STYXL1: variants seen among roughly 807,000 people sequenced by gnomAD.
STYXL1 encodes the protein serine/threonine/tyrosine interacting like 1.
Under a neutral mutation model 36.4 loss-of-function variants are expected in STYXL1, and 32 were observed. The ratio of observed to expected loss-of-function variants is 0.88; its 90% CI spans 0.66 to 1.18. The LOEUF (loss-of-function observed/expected upper bound fraction) is 1.18, where lower values mean the gene tolerates loss of function less well. STYXL1 is among the 50% of genes most tolerant of loss of function. STYXL1 has a pLI of 0.00. For missense variants in STYXL1, 354 were observed against 394.1 expected, an observed-to-expected ratio of 0.90 and a Z score of 0.86; for synonymous variants, 133 against 144.1, an observed-to-expected ratio of 0.92 and a Z score of 0.55.
chr7:76,010,357 T>C (rs1554571864), intron 5 of STYXL1, among the ~76,000 whole-genome samples: 2 of 152,208 alleles, frequency 1.3e-5, no homozygotes, highest in African/African-American at 4.8e-5. Context: ...CAGGCATGCA[T>C]ACCCTGGATC....
Position 75,996,499 on chromosome 7 carries a change from G to A in STYXL1, c.911C>T (p.Ser304Phe), listed in dbSNP as rs782417475. 6.2e-7 allele frequency: 1 copy of A among 1,614,088 alleles called. No individual in the cohort carries two copies. Among genetic ancestry groups the A allele is most frequent in the African/African-American group, 1.3e-5 (1 of 74,926 alleles). ...GAGCGGATCCATGATGTTTGTGATG[G>A]AATCTCCAAGGATAGTCTTCTCCCA... ...LEWEKTILGDSITNIMDPLY is the reference protein window; with the variant it reads ...LEWEKTILGDFITNIMDPLY Residue 304 changes from serine (S) to phenylalanine (F), a missense_variant, in exon 9 of 9, where the codon TCC (serine) becomes TTC (phenylalanine). Coordinates refer to ENST00000359697, the MANE Select transcript of STYXL1 (RefSeq NM_001317785.2).
Position 76,021,921 on chromosome 7 carries a change from G to A in STYXL1, c.237C>T (p.Asn79=), listed in dbSNP as rs1215927614. ...ECVKYCVVYD[N]NSSTLEILLK... ...AGAGTATCTCCAGGGTGCTGCTGTT[G>A]TTATCATACACCACGCAGTACTTCA... The change falls in exon 4 of 9, where the codon AAC becomes AAT. Residue 79 remains asparagine, a synonymous_variant. Transcript: ENST00000359697. 7 of 1,613,384 alleles carry A rather than the reference G, an allele frequency of 4.3e-6. No individual in the cohort carries two copies. The South Asian group carries it at 5.5e-5, about 13-fold the overall frequency.
chr7:75,999,549 G>A (rs79470484), intron 8 of STYXL1, among the ~76,000 whole-genome samples: 24,033 of 81,736 alleles, frequency 0.29, 2,182 homozygotes, highest in Middle Eastern at 0.41. Context: ...GTGTGTGTGT[G>A]TGTATATTTT....
intron 8 of STYXL1, chr7:75,998,620 T>C (rs1298313391): frequency 6.6e-6 from 1 of 152,046 alleles, no homozygotes; most frequent in African/African-American, 2.4e-5. Flanking sequence ...TTTGATAGTA[T>C]GCCAAGACCA....
rs1477988850 is a variant in STYXL1 at position 76,021,777 on chromosome 7, A to C, written c.307+74T>G. ...CCTGTTCCCGTGCCATGGGCATATG[A>C]ACCTGTTGGTCCTATAACAAATTTG... is the stretch of plus-strand genomic sequence containing the variant. On this transcript the variant is annotated intron_variant, in intron 4 of 8. Transcript: ENST00000359697. The C allele has an allele frequency of 1.4e-5, 16 of 1,116,778 alleles. No homozygotes were observed. The African/African-American group carries it at 2.4e-4, about 17-fold the overall frequency. 69.2% of individuals were successfully genotyped at this position (1,116,778 alleles called of 1,614,324 possible).
At chr7:76,015,279 C>G (rs1479805833) in intron 4 of STYXL1, among the ~76,000 whole-genome samples, 1 of 152,116 alleles carries the variant, frequency 6.6e-6, no homozygotes, top group African/African-American at 2.4e-5. Flanking sequence ...AGGACTCCCA[C>G]TTATTGGTCA....
intron 3 of STYXL1, among the ~76,000 whole-genome samples, chr7:76,023,168 T>A (rs1471819224): frequency 4.6e-5 from 7 of 151,886 alleles, no homozygotes; most frequent in Admixed American, 2.6e-4. Flanking sequence ...TGCTTCCCAC[T>A]CCACCCCTCC....
chr7:76,033,940 A>AC (rs1331788355), intron 1 of STYXL1, among the ~76,000 whole-genome samples: 1 of 152,042 alleles, frequency 6.6e-6, no homozygotes, highest in African/African-American at 2.4e-5. Flanking sequence ...CTCAGTCCCC[A>AC]CCTCTGTAAA....
At position 76,038,879 on chromosome 7, in the gene STYXL1, T is replaced by C. The variant is rs1219939266; in HGVS notation, c.-4-8352A>G. Reference sequence around the variant, plus strand: ...GTCACTCACTGCAGCCTCAAACTCCTGGGCTCAAGTGAGCCTCCCACCTCA... The same window carrying C: ...GTCACTCACTGCAGCCTCAAACTCCCGGGCTCAAGTGAGCCTCCCACCTCA... On this transcript the variant is annotated intron_variant, in intron 1 of 8. Coordinates refer to ENST00000359697, the MANE Select transcript of STYXL1 (RefSeq NM_001317785.2). Among the ~76,000 whole-genome samples the C allele has an allele frequency of 1.0e-4, 15 of 149,012 alleles. No homozygotes were observed. The East Asian group carries it at 2.5e-3, about 25-fold the overall frequency.
chr7:76,041,806 G>A (rs893161530), intron 1 of STYXL1, among the ~76,000 whole-genome samples: 1 of 152,218 alleles, frequency 6.6e-6, no homozygotes, highest in African/African-American at 2.4e-5. Flanking sequence ...TGACAAATAG[G>A]CAAAGCAACT....
intron 1 of STYXL1, chr7:76,044,684 T>C (rs1554582956): frequency 6.6e-6 from 1 of 152,202 alleles, no homozygotes; most frequent in East Asian, 1.9e-4. Flanking sequence ...ATCCCACAGT[T>C]CCTTTTTTCC....
At chr7:76,039,518 G>A (rs1554581666) in intron 1 of STYXL1, among the ~76,000 whole-genome samples, 1 of 152,188 alleles carries the variant, frequency 6.6e-6, no homozygotes, top group Non-Finnish European at 1.5e-5. Flanking sequence ...GCAGAAGTGG[G>A]CCTGAAATCT....
intron 2 of STYXL1, among the ~76,000 whole-genome samples, chr7:76,029,797 C>T (rs928582569): frequency 6.6e-6 from 1 of 151,956 alleles, no homozygotes; most frequent in Non-Finnish European, 1.5e-5. Flanking sequence ...GTAGGGTTTG[C>T]GCTCCTGTGA....
At chr7:76,020,917 C>T in intron 4 of STYXL1, among the ~76,000 whole-genome samples, 1 of 152,082 alleles carries the variant, frequency 6.6e-6, no homozygotes, top group East Asian at 1.9e-4. Context: ...TCCCCATAAA[C>T]TTTGTGAAAT....
At chr7:76,031,876 G>A (rs1194974980) in intron 1 of STYXL1, among the ~76,000 whole-genome samples, 2 of 152,198 alleles carry the variant, frequency 1.3e-5, no homozygotes, top group Non-Finnish European at 2.9e-5. Flanking sequence ...CCAGGCACTG[G>A]AAATAACTGT....
intron 1 of STYXL1, among the ~76,000 whole-genome samples, chr7:76,030,850 TAA>T (rs1160725857): frequency 0.016 from 941 of 57,060 alleles, 14 homozygotes; most frequent in African/African-American, 0.051. Context: ...CCATCTCTAC[TAA>T]AAAAAAAAAA....
At chr7:76,047,468 A>G (rs1797285074) in intron 1 of STYXL1, among the ~76,000 whole-genome samples, 194 bp downstream of exon 1, 1 of 152,160 alleles carries the variant, frequency 6.6e-6, no homozygotes, top group African/African-American at 2.4e-5. Flanking sequence ...TTGTCCCTAC[A>G]ACCTATTTGC....
chr7:76,036,782 C>CTTTTTTTTTTT (rs71082378), intron 1 of STYXL1, among the ~76,000 whole-genome samples: 1 of 101,614 alleles, frequency 9.8e-6, no homozygotes, highest in African/African-American at 3.5e-5. Flanking sequence ...CAGTATAGCT[C>CTTTTTTTTTTT]TTTTTTTTTT....
At chr7:76,043,929 C>G (rs568583123) in intron 1 of STYXL1, 30 of 152,254 alleles carry the variant, frequency 2.0e-4, no homozygotes, top group African/African-American at 7.2e-4. Flanking sequence ...TCCTAGTAAC[C>G]AGACACAATC....
Sources: allele counts gnomAD v4.1 joint callset (sites outside exome capture counted in the v4.1 genomes callset), GRCh38; gene constraint gnomAD v4.1.1; transcripts MANE v1.5; gene names NCBI Gene and HGNC (gene_info 2026-07-23, HGNC 2026-07-21).